The following ZNF609 variants were observed in gnomAD, a reference collection of about 807,000 sequenced individuals.
ZNF609 encodes zinc finger protein 609.
A neutral mutation model predicts 109.5 loss-of-function variants in ZNF609; 11 were observed. The observed-to-expected ratio is 0.10, with a 90% CI of 0.06 to 0.17. The LOEUF is 0.17. Ranked by LOEUF, ZNF609 falls within the 10% of genes least tolerant of loss-of-function variation. ZNF609 has a pLI of 1.00. For synonymous variants in ZNF609, 646 were observed against 662.0 expected (o/e 0.98, Z 0.37); for missense variants, 1,559 against 1,772.4 (o/e 0.88, Z 2.16).
intron 1 of ZNF609, among the ~76,000 whole-genome samples, chr15:64,483,385 A>C (rs610013): frequency 0.96 from 145,481 of 152,072 alleles, 69,820 homozygotes; most frequent in East Asian, 1. Context: ...TGAGCCACCA[A>C]GCCTGGCCTC....
chr15:64,523,077 C>T (rs1893917470), intron 2 of ZNF609, among the ~76,000 whole-genome samples: 1 of 151,952 alleles, frequency 6.6e-6, no homozygotes. Flanking sequence ...GTACTTGCAG[C>T]CTATTGTCTA....
At chr15:64,616,647 G>A (rs1289774393) in intron 2 of ZNF609, among the ~76,000 whole-genome samples, 2 of 148,072 alleles carry the variant, frequency 1.4e-5, no homozygotes, top group African/African-American at 2.5e-5. Context: ...AGCTTCCTGA[G>A]TAGCTGGGAC....
chr15:64,540,471 C>A (rs1188327179), intron 2 of ZNF609, among the ~76,000 whole-genome samples: 1 of 151,936 alleles, frequency 6.6e-6, no homozygotes, highest in Non-Finnish European at 1.5e-5. Context: ...GTGGTGCAAT[C>A]TTGACTCATT....
At chr15:64,562,869 G>A (rs1409619752) in intron 2 of ZNF609, among the ~76,000 whole-genome samples, 1 of 33,132 alleles carries the variant, frequency 3.0e-5, no homozygotes, top group South Asian at 1.3e-3. Flanking sequence ...GAGGGTAAGC[G>A]TGAGTGTGTG....
chr15:64,680,054 C>G lies in ZNF609; in HGVS notation c.3770-131C>G, dbSNP rs113650332. The G allele has an allele frequency of 1.7e-4, 163 of 973,492 alleles. 2 individuals are homozygous for G. The African/African-American group carries it at 2.3e-3, about 14-fold the overall frequency. 60.3% of individuals were successfully genotyped at this position (973,492 alleles called of 1,614,324 possible). On this transcript the variant is annotated intron_variant, in intron 6 of 9. Coordinates refer to ENST00000326648, the MANE Select transcript of ZNF609 (RefSeq NM_015042.2). ...AGAAAGGTCAAGCCAACAGTCTCAG[C>G]CAAAGACACTATGTTAGAAAATACC... is the stretch of plus-strand genomic sequence containing the variant.
intron 2 of ZNF609, among the ~76,000 whole-genome samples, chr15:64,591,501 TAAA>T (rs35015194): frequency 2.0e-5 from 3 of 151,980 alleles, no homozygotes; most frequent in Non-Finnish European, 4.4e-5. Context: ...AAAAATGTTT[TAAA>T]AAAAGCCTCA....
intron 3 of ZNF609, among the ~76,000 whole-genome samples, chr15:64,640,878 G>A (rs1896243437): frequency 6.6e-6 from 1 of 152,186 alleles, no homozygotes; most frequent in African/African-American, 2.4e-5. Context: ...TTTCCCTAGT[G>A]TAAGAATGTA....
intron 2 of ZNF609, among the ~76,000 whole-genome samples, chr15:64,605,716 T>TA (rs1895582971): frequency 7.2e-6 from 1 of 138,490 alleles, no homozygotes; most frequent in African/African-American, 3.3e-5. Context: ...AGAGCTGAGA[T>TA]TTTTTTTTCT....
chr15:64,620,266 CT>C lies in ZNF609; in HGVS notation c.748-2559del. On this transcript the variant is annotated intron_variant, in intron 2 of 9. Coordinates refer to ENST00000326648, the MANE Select transcript of ZNF609 (RefSeq NM_015042.2). ...AGTACACATATAGGCTGTGAAACTG[CT>C]TCTGTCACAGTTCTTCCCCAAGAGA... is the stretch of plus-strand genomic sequence containing the variant. Among the ~76,000 whole-genome samples the C allele has an allele frequency of 2.6e-5, 4 of 152,296 alleles. 1 individual carries two copies. Among genetic ancestry groups the C allele is most frequent in the Admixed American group, 2.6e-4 (4 of 15,288 alleles).
At chr15:64,680,550 G>T in intron 7 of ZNF609, 96 bp from the exon 8 acceptor site, 1 of 1,301,426 alleles carries the variant, frequency 7.7e-7, no homozygotes, top group Non-Finnish European at 1.1e-6. Context: ...GTGGCACCCT[G>T]GGCATCTCAC....
chr15:64,491,840 G>A (rs1293880802), intron 1 of ZNF609, among the ~76,000 whole-genome samples: 4 of 151,790 alleles, frequency 2.6e-5, no homozygotes, highest in Non-Finnish European at 5.9e-5. Flanking sequence ...GCAAGATTCC[G>A]TCTCAAAAAT....
intron 3 of ZNF609, among the ~76,000 whole-genome samples, chr15:64,657,492 T>C (rs1457882941): frequency 6.6e-6 from 1 of 151,994 alleles, no homozygotes; most frequent in Non-Finnish European, 1.5e-5. Context: ...TGCGTGCATG[T>C]AGTCCCAGCT....
At chr15:64,526,757 C>T (rs1212136983) in intron 2 of ZNF609, among the ~76,000 whole-genome samples, 1 of 152,130 alleles carries the variant, frequency 6.6e-6, no homozygotes, top group Admixed American at 6.5e-5. Flanking sequence ...CCTGCCTCAG[C>T]CTTGCAAGTA....
chr15:64,481,064 T>G (rs1893245386), intron 1 of ZNF609, among the ~76,000 whole-genome samples: 1 of 152,234 alleles, frequency 6.6e-6, no homozygotes. Context: ...AAGTTCAGCA[T>G]TCTTCAGAAA....
chr15:64,483,002 CTATT>C (rs1056731764), intron 1 of ZNF609, among the ~76,000 whole-genome samples: 15 of 152,070 alleles, frequency 9.9e-5, no homozygotes, highest in East Asian at 9.6e-4. Flanking sequence ...TAATAAAAGG[CTATT>C]TATAGTCTTT....
intron 1 of ZNF609, among the ~76,000 whole-genome samples, chr15:64,497,798 G>A (rs1383184700): frequency 2.0e-5 from 3 of 151,738 alleles, no homozygotes; most frequent in African/African-American, 7.3e-5. Context: ...CCTCTTGGGA[G>A]GCTGAGGTGG....
chr15:64,596,746 TAAG>T (rs1895404537), intron 2 of ZNF609, among the ~76,000 whole-genome samples: 4 of 152,198 alleles, frequency 2.6e-5, no homozygotes. Context: ...GAGCCATACA[TAAG>T]AAGTACTCAA....
intron 2 of ZNF609, among the ~76,000 whole-genome samples, chr15:64,584,390 T>A (rs1003827730): frequency 2.0e-5 from 3 of 152,172 alleles, no homozygotes; most frequent in Non-Finnish European, 2.9e-5. Context: ...TGGAGTCCAG[T>A]GGCGTGATCT....
At chr15:64,462,625 G>A (rs577122165) in intron 1 of ZNF609, among the ~76,000 whole-genome samples, 1 of 152,192 alleles carries the variant, frequency 6.6e-6, no homozygotes, top group African/African-American at 2.4e-5. Context: ...AAATAAAAAA[G>A]TCAAGAACCA....
Sources: allele counts gnomAD v4.1 joint callset (sites outside exome capture counted in the v4.1 genomes callset), GRCh38; gene constraint gnomAD v4.1.1; transcripts MANE v1.5; gene names NCBI Gene and HGNC (gene_info 2026-07-23, HGNC 2026-07-21).